The following SLC2A13 variants were observed in gnomAD, a reference collection of about 807,000 sequenced individuals.
SLC2A13 encodes the protein solute carrier family 2 member 13, also known as proton myo-inositol cotransporter.
In SLC2A13, 32 loss-of-function variants were observed where a neutral mutation model predicts 64.4. The ratio of observed to expected loss-of-function variants is 0.50; its 90% CI spans 0.37 to 0.67. The LOEUF is 0.67. SLC2A13 is among the 30% of genes least tolerant of loss of function. The pLI is 0.00. For missense variants in SLC2A13, 743 were observed against 829.2 expected, an observed-to-expected ratio of 0.90 and a Z score of 1.28; for synonymous variants, 338 against 327.1, an observed-to-expected ratio of 1.03 and a Z score of -0.36.
At chr12:40,072,624 CAT>C (rs1341728231) in intron 1 of SLC2A13, among the ~76,000 whole-genome samples, 6 of 152,100 alleles carry the variant, frequency 3.9e-5, no homozygotes, top group Non-Finnish European at 7.4e-5. Context: ...TTATAGAACT[CAT>C]GTGTCTTTAT....
chr12:39,843,667 C>T (rs1943232785), intron 6 of SLC2A13, among the ~76,000 whole-genome samples: 1 of 152,074 alleles, frequency 6.6e-6, no homozygotes, highest in Non-Finnish European at 1.5e-5. Context: ...CTCTCCAGCT[C>T]TATGCTTCAC....
At chr12:39,999,561 G>T (rs766837895) in intron 3 of SLC2A13, among the ~76,000 whole-genome samples, 1 of 152,088 alleles carries the variant, frequency 6.6e-6, no homozygotes, top group African/African-American at 2.4e-5. Context: ...AACCTGCCCT[G>T]GTAAATTTGA....
intron 2 of SLC2A13, among the ~76,000 whole-genome samples, chr12:40,046,404 TGC>T (rs1948172021): frequency 1.3e-5 from 2 of 152,212 alleles, no homozygotes; most frequent in African/African-American, 2.4e-5. Context: ...TTAATTGTTA[TGC>T]GTAAGTGAAA....
intron 4 of SLC2A13, among the ~76,000 whole-genome samples, chr12:39,912,908 A>G (rs1483208085): frequency 6.6e-6 from 1 of 152,150 alleles, no homozygotes; most frequent in Non-Finnish European, 1.5e-5. Flanking sequence ...GTAAAGAAAC[A>G]GAATAGTTTT....
At chr12:40,002,438 C>T (rs1229685946) in intron 3 of SLC2A13, among the ~76,000 whole-genome samples, 1 of 152,150 alleles carries the variant, frequency 6.6e-6, no homozygotes, top group Non-Finnish European at 1.5e-5. Flanking sequence ...AATGAATTGC[C>T]TATCACAACT....
At chr12:40,035,597 C>T (rs1302273920) in intron 2 of SLC2A13, among the ~76,000 whole-genome samples, 1 of 152,088 alleles carries the variant, frequency 6.6e-6, no homozygotes, top group African/African-American at 2.4e-5. Flanking sequence ...TTTCAATGTG[C>T]ACAGATGGAA....
chr12:39,860,072 G>A (rs1457565420), intron 6 of SLC2A13, among the ~76,000 whole-genome samples: 1 of 152,198 alleles, frequency 6.6e-6, no homozygotes, highest in Non-Finnish European at 1.5e-5. Context: ...TGTGTCGTTG[G>A]TTTCATATTA....
intron 6 of SLC2A13, among the ~76,000 whole-genome samples, chr12:39,850,318 C>T (rs55913200): frequency 0.02 from 3,011 of 152,116 alleles, 105 homozygotes; most frequent in African/African-American, 0.068. Flanking sequence ...AGGCAGCCTC[C>T]GGATATTAAA....
chr12:40,028,382 T>C lies in SLC2A13; in HGVS notation c.844A>G (p.Met282Val), dbSNP rs1947855477. 3 of 1,613,946 alleles carry C rather than the reference T, an allele frequency of 1.9e-6. No individual in the cohort carries two copies. The highest frequency in any genetic ancestry group is 2.5e-6 in the Non-Finnish European group (3 of 1,179,980). ...TQKARRILSQ[M>V]RGNQTIDEEY... Reference sequence around the variant, plus strand: ...TCATCAATGGTCTGGTTACCACGCATCTGAGATAAAATTCTACGGGCCTTC... The same window carrying C: ...TCATCAATGGTCTGGTTACCACGCACCTGAGATAAAATTCTACGGGCCTTC... The change falls in exon 3 of 10, where the codon ATG (methionine) becomes GTG (valine). Residue 282 changes from methionine (M) to valine (V), a missense_variant. Physicochemically the swap from Met to Val is conservative, Grantham distance 21. Transcript: ENST00000280871.
intron 4 of SLC2A13, among the ~76,000 whole-genome samples, chr12:39,890,679 G>A (rs931922244): frequency 9.2e-5 from 14 of 151,894 alleles, no homozygotes; most frequent in African/African-American, 2.4e-4. Context: ...GAAACATCAC[G>A]TTGTACTCCA....
chr12:39,874,607 C>T (rs1944135316), intron 4 of SLC2A13, among the ~76,000 whole-genome samples: 2 of 119,416 alleles, frequency 1.7e-5, no homozygotes, highest in African/African-American at 6.9e-5. Context: ...AAAAGCAAAA[C>T]TCCATCTCAA....
chr12:39,808,327 T>C (rs571005593), intron 7 of SLC2A13, among the ~76,000 whole-genome samples: 17 of 152,322 alleles, frequency 1.1e-4, no homozygotes, highest in South Asian at 1.0e-3. Flanking sequence ...GGGTGTATCA[T>C]AATTTGTTTA....
intron 3 of SLC2A13, among the ~76,000 whole-genome samples, chr12:39,987,902 A>G (rs1019119848): frequency 1.3e-5 from 2 of 152,144 alleles, no homozygotes; most frequent in African/African-American, 4.8e-5. Context: ...GTACTGTTTA[A>G]TATAGTAAAA....
At chr12:39,970,719 T>C (rs1414793325) in intron 3 of SLC2A13, among the ~76,000 whole-genome samples, 1 of 152,226 alleles carries the variant, frequency 6.6e-6, no homozygotes, top group Non-Finnish European at 1.5e-5. Flanking sequence ...TTCTGATCTT[T>C]TTCTTGATCA....
At chr12:39,998,768 T>C (rs1313007838) in intron 3 of SLC2A13, among the ~76,000 whole-genome samples, 1 of 152,188 alleles carries the variant, frequency 6.6e-6, no homozygotes, top group East Asian at 1.9e-4. Flanking sequence ...TTTGGAGGAC[T>C]GTTGGGAAAG....
chr12:40,030,251 G>A (rs1947883635), intron 2 of SLC2A13, among the ~76,000 whole-genome samples: 1 of 152,100 alleles, frequency 6.6e-6, no homozygotes, highest in African/African-American at 2.4e-5. Context: ...GTCTCTTCTG[G>A]AAGAGTCCTC....
rs539906111 is a variant in SLC2A13, at chr12:39,984,926, T to C, written c.926-33561A>G. 2.6e-5 allele frequency among the ~76,000 whole-genome samples: 4 copies of C among 152,222 alleles called. No homozygotes were observed. The South Asian group carries it at 8.3e-4, about 32-fold the overall frequency. On this transcript the variant is annotated intron_variant, in intron 3 of 9. Transcript: ENST00000280871. ...GAAGAAGCAATCTATGGGAGGCCAC[T>C]GGGGAAATCACCAAGAAGGAAGAAT... is the stretch of plus-strand genomic sequence containing the variant.
intron 4 of SLC2A13, among the ~76,000 whole-genome samples, chr12:39,909,995 T>C (rs1168894857): frequency 2.0e-5 from 3 of 152,018 alleles, no homozygotes; most frequent in African/African-American, 7.3e-5. Flanking sequence ...AGATATCTTT[T>C]TTAAAAAAGT....
chr12:39,862,134 G>C (rs1943780253), intron 6 of SLC2A13, among the ~76,000 whole-genome samples: 1 of 152,150 alleles, frequency 6.6e-6, no homozygotes, highest in African/African-American at 2.4e-5. Context: ...ATTCAGTCCA[G>C]AGAATTGAAT....
Sources: gnomAD v4.1 joint callset for allele counts (sites outside exome capture counted in the v4.1 genomes callset) on GRCh38, gnomAD v4.1.1 for gene constraint, MANE v1.5 for transcripts, NCBI Gene and HGNC (gene_info 2026-07-23, HGNC 2026-07-21) for gene names.